Variants in RBM27 observed in about 807,000 individuals in gnomAD.
RBM27 encodes the protein RNA-binding protein 27.
A neutral mutation model predicts 135.3 loss-of-function variants in RBM27; 22 were observed. The ratio of observed to expected loss-of-function variants is 0.16; its 90% CI spans 0.12 to 0.23. The LOEUF is 0.23. Among genes scored for constraint, RBM27 ranks in the 10% least tolerant of loss-of-function variants. The pLI is 1.00. For synonymous variants in RBM27, 481 were observed against 442.4 expected, an observed-to-expected ratio of 1.09 and a Z score of -1.10; for missense variants, 1,009 against 1,281.0, an observed-to-expected ratio of 0.79 and a Z score of 3.24.
chr5:146,219,401 G>A (rs1756345634), intron 2 of RBM27, among the ~76,000 whole-genome samples: 1 of 152,128 alleles, frequency 6.6e-6, no homozygotes, highest in Non-Finnish European at 1.5e-5. Context: ...AACAGTTTAA[G>A]GATAATGAAG....
chr5:146,240,912 C>T (rs889575407), intron 8 of RBM27, among the ~76,000 whole-genome samples: 1 of 152,036 alleles, frequency 6.6e-6, no homozygotes, highest in Non-Finnish European at 1.5e-5. Flanking sequence ...GTAAAGAGGA[C>T]AGTATATGGA....
At chr5:146,240,631 G>T (rs1757367418) in intron 8 of RBM27, among the ~76,000 whole-genome samples, 1 of 151,998 alleles carries the variant, frequency 6.6e-6, no homozygotes, top group South Asian at 2.1e-4. Flanking sequence ...CCGGCCTTTT[G>T]CTCTGTTTTA....
rs1374864413 is a variant in RBM27 at position 146,213,690 on chromosome 5, G to A, written c.60-5295G>A. On this transcript the variant is annotated intron_variant, in intron 1 of 20. Coordinates refer to ENST00000265271, the MANE Select transcript of RBM27 (RefSeq NM_018989.2). Reference sequence around the variant, plus strand: ...GTAGGACCTTACTCTTTGATCTTATGATTGCATGTCTGAAATTTTCTATGA... The same window carrying A: ...GTAGGACCTTACTCTTTGATCTTATAATTGCATGTCTGAAATTTTCTATGA... Among the ~76,000 whole-genome samples the A allele has an allele frequency of 2.6e-5, 4 of 152,124 alleles. No individual in the cohort carries two copies. In the East Asian group the frequency reaches 7.7e-4, roughly 29 times the overall value.
At position 146,233,557 on chromosome 5, in the gene RBM27, C is replaced by T; in HGVS notation, c.958C>T (p.Pro320Ser). 2 of 1,613,356 alleles carry T rather than the reference C, an allele frequency of 1.2e-6. No individual in the cohort carries two copies. The highest frequency in any genetic ancestry group is 1.1e-5 in the South Asian group (1 of 90,998). ...LPSMIPFPPP[P>S]PGLPPPPPPG... Reference sequence around the variant, plus strand: ...AAGTATGATTCCTTTCCCACCCCCTCCTCCTGGGCTTCCTCCTCCACCACC... The same window carrying T: ...AAGTATGATTCCTTTCCCACCCCCTTCTCCTGGGCTTCCTCCTCCACCACC... Residue 320 changes from proline to serine, a missense_variant, in exon 7 of 21, where the codon CCT becomes TCT. Pro to Ser is a moderately conservative substitution (Grantham distance 74). Coordinates refer to ENST00000265271, the MANE Select transcript of RBM27 (RefSeq NM_018989.2).
chr5:146,212,624 G>A (rs889252276), intron 1 of RBM27, among the ~76,000 whole-genome samples: 3 of 152,166 alleles, frequency 2.0e-5, no homozygotes, highest in Non-Finnish European at 4.4e-5. Flanking sequence ...GAAGTGCTGG[G>A]ATTACAGGCA....
intron 1 of RBM27, among the ~76,000 whole-genome samples, chr5:146,213,379 G>A (rs934298163): frequency 1.3e-5 from 2 of 152,054 alleles, no homozygotes; most frequent in African/African-American, 4.8e-5. Flanking sequence ...GATTACAGAC[G>A]TGAGCCACCA....
At chr5:146,216,251 G>A (rs1325071427) in intron 1 of RBM27, among the ~76,000 whole-genome samples, 1 of 152,018 alleles carries the variant, frequency 6.6e-6, no homozygotes, top group Non-Finnish European at 1.5e-5. Context: ...TTTTCACCAT[G>A]GTCTAAAACT....
intron 13 of RBM27, among the ~76,000 whole-genome samples, chr5:146,263,029 G>T (rs1437254178): frequency 3.3e-5 from 5 of 151,868 alleles, no homozygotes; most frequent in African/African-American, 1.2e-4. Context: ...GACTACAGGT[G>T]CATGCCACCA....
intron 14 of RBM27, among the ~76,000 whole-genome samples, chr5:146,266,675 C>CCT (rs1375361865): frequency 6.6e-6 from 1 of 152,180 alleles, no homozygotes; most frequent in Non-Finnish European, 1.5e-5. Flanking sequence ...GTGGCTCACA[C>CCT]CTCTAATCCT....
At chr5:146,220,538 A>C (rs892872209) in intron 2 of RBM27, among the ~76,000 whole-genome samples, 4 of 150,986 alleles carry the variant, frequency 2.6e-5, no homozygotes, top group Non-Finnish European at 5.9e-5. Flanking sequence ...ATGAATAGGA[A>C]TGTGAATAAT....
intron 1 of RBM27, among the ~76,000 whole-genome samples, chr5:146,205,618 C>G (rs1755606857): frequency 6.6e-6 from 1 of 151,572 alleles, no homozygotes; most frequent in African/African-American, 2.4e-5. Flanking sequence ...AAGTTTTGGG[C>G]ACAAAGATGG....
intron 19 of RBM27, among the ~76,000 whole-genome samples, chr5:146,282,911 G>GT (rs1384245609): frequency 6.6e-6 from 1 of 152,120 alleles, no homozygotes; most frequent in Non-Finnish European, 1.5e-5. Context: ...TTTGTTGTAA[G>GT]TTAGATAGTA....
intron 14 of RBM27, among the ~76,000 whole-genome samples, chr5:146,264,722 G>A (rs942550120): frequency 6.8e-6 from 1 of 147,400 alleles, no homozygotes; most frequent in Admixed American, 6.8e-5. Flanking sequence ...TGTAGCTTCT[G>A]TAACTGAAAC....
intron 8 of RBM27, 95 bp downstream of exon 8, chr5:146,237,527 C>T (rs1581176791): frequency 7.4e-7 from 1 of 1,353,798 alleles, no homozygotes; most frequent in East Asian, 2.3e-5. Context: ...TAAATAGTTT[C>T]TGTTCTTATG....
chr5:146,214,382 T>C (rs572222079), intron 1 of RBM27, among the ~76,000 whole-genome samples: 9 of 152,328 alleles, frequency 5.9e-5, no homozygotes, highest in African/African-American at 2.2e-4. Flanking sequence ...ATAAAGTGGC[T>C]AAAAGATTTT....
At chr5:146,267,826 G>T in intron 15 of RBM27, 58 bp downstream of exon 15, 1 of 1,538,112 alleles carries the variant, frequency 6.5e-7, no homozygotes, top group Middle Eastern at 1.7e-4. Flanking sequence ...ATTTTTAAGT[G>T]GTTACATTAT....
chr5:146,260,616 A>G, intron 11 of RBM27, 129 bp from the exon 12 acceptor site: 1 of 648,918 alleles, frequency 1.5e-6, no homozygotes, highest in Non-Finnish European at 2.6e-6. Context: ...CTGGGATTAT[A>G]GGTGGAGCCA....
chr5:146,248,439 A>G (rs1372511219), intron 8 of RBM27, among the ~76,000 whole-genome samples: 2 of 152,084 alleles, frequency 1.3e-5, no homozygotes, highest in Non-Finnish European at 2.9e-5. Flanking sequence ...GTCAGGCTAC[A>G]TTTGGATTAA....
At chr5:146,204,297 G>A (rs1755531806) in intron 1 of RBM27, among the ~76,000 whole-genome samples, 2 of 152,144 alleles carry the variant, frequency 1.3e-5, no homozygotes, top group Non-Finnish European at 2.9e-5. Context: ...AAATATGAGG[G>A]CAGAAGCGGA....
Sources: gnomAD v4.1 joint callset for allele counts (sites outside exome capture counted in the v4.1 genomes callset) on GRCh38, gnomAD v4.1.1 for gene constraint, MANE v1.5 for transcripts, NCBI Gene and HGNC (gene_info 2026-07-23, HGNC 2026-07-21) for gene names.